Variants in ERN1 observed in about 807,000 individuals in gnomAD.
The protein encoded by ERN1 is endoplasmic reticulum to nucleus signaling 1.
In ERN1, 39 loss-of-function variants were observed where a neutral mutation model predicts 113.1. That is an observed-to-expected ratio of 0.34 (90% CI 0.27 to 0.45). The LOEUF is 0.45. ERN1 is among the 20% of genes least tolerant of loss of function. The probability of loss-of-function intolerance (pLI) is 1.00; values close to 1 mark genes in which losing one functional copy is unlikely to be tolerated. For missense variants in ERN1, 976 were observed against 1,274.8 expected (o/e 0.77, Z 3.57); for synonymous variants, 507 against 515.9 (o/e 0.98, Z 0.23).
At chr17:64,078,501 G>A (rs2143406294) in intron 4 of ERN1, among the ~76,000 whole-genome samples, 1 of 152,128 alleles carries the variant, frequency 6.6e-6, no homozygotes, top group Non-Finnish European at 1.5e-5. Context: ...AATTTATAGT[G>A]TTCTTTAATA....
At chr17:64,129,489 TAAA>T in intron 1 of ERN1, 1 of 252,726 alleles carries the variant, frequency 4.0e-6, no homozygotes. Context: ...TTCGAATTTT[TAAA>T]AAGTTCAAAC....
intron 1 of ERN1, among the ~76,000 whole-genome samples, chr17:64,100,351 G>C (rs1722820009): frequency 1.3e-5 from 2 of 152,134 alleles, no homozygotes; most frequent in Non-Finnish European, 2.9e-5. Context: ...ATGCATACCT[G>C]GGGCCAAGAA....
At chr17:64,094,737 C>A (rs1478843974) in intron 2 of ERN1, among the ~76,000 whole-genome samples, 1 of 151,858 alleles carries the variant, frequency 6.6e-6, no homozygotes, top group Non-Finnish European at 1.5e-5. Flanking sequence ...CTCCGTGGAG[C>A]CCTCCCTGTT....
intron 3 of ERN1, among the ~76,000 whole-genome samples, chr17:64,080,160 A>G (rs186314627): frequency 4.5e-4 from 68 of 152,348 alleles, no homozygotes; most frequent in African/African-American, 1.5e-3. Flanking sequence ...ATCTGCTTTT[A>G]GTTTTCAAGA....
chr17:64,074,931 C>T lies in ERN1; in HGVS notation c.355+244G>A, dbSNP rs566046005. The stretch of plus-strand genomic sequence containing the variant: ...CAATCTTGGAATCTCAGGACTAAGT[C>T]AACACAGCAACTAAAAGCTTGTTAA... On this transcript the variant is annotated intron_variant, in intron 5 of 21. Transcript: ENST00000433197. 1.2e-5 allele frequency: 6 copies of T among 493,726 alleles called. No individual in the cohort carries two copies. The East Asian group carries it at 1.9e-4, about 16-fold the overall frequency. The allele number at this position is 493,726 out of a possible 1,614,324, so 30.6% of individuals were successfully genotyped here.
intron 1 of ERN1, among the ~76,000 whole-genome samples, chr17:64,099,405 G>T (rs976236247): frequency 6.6e-5 from 10 of 151,948 alleles, no homozygotes; most frequent in Admixed American, 6.6e-5. Context: ...AGCTGGTAAG[G>T]TTTCCTGGAT....
intron 1 of ERN1, among the ~76,000 whole-genome samples, chr17:64,107,135 G>A (rs1404781244): frequency 3.3e-5 from 5 of 152,026 alleles, no homozygotes; most frequent in Admixed American, 2.0e-4. Context: ...CAAAGCAGTA[G>A]AACACTGAAA....
At chr17:64,129,773 C>T in intron 1 of ERN1, 1 of 426,114 alleles carries the variant, frequency 2.3e-6, no homozygotes, top group Non-Finnish European at 3.9e-6. Context: ...CTCGGTGGGG[C>T]CGCGACTCCC....
At chr17:64,060,951 T>G (rs1913036533) in intron 10 of ERN1, among the ~76,000 whole-genome samples, 1 of 152,204 alleles carries the variant, frequency 6.6e-6, no homozygotes. Context: ...CTCCTTTCAA[T>G]GCTTTTTCCT....
intron 1 of ERN1, among the ~76,000 whole-genome samples, chr17:64,110,955 G>A (rs1429302507): frequency 1.3e-5 from 2 of 152,144 alleles, no homozygotes; most frequent in African/African-American, 4.8e-5. Flanking sequence ...GAACAACGTT[G>A]CTTTCTCCAG....
chr17:64,075,352 G>A, intron 4 of ERN1, 105 bp from the exon 5 acceptor site: 1 of 987,810 alleles, frequency 1.0e-6, no homozygotes, highest in Non-Finnish European at 1.5e-6. Flanking sequence ...GCTAAAAAGA[G>A]AGAAGCACTT....
At chr17:64,116,921 G>A (rs1282664679) in intron 1 of ERN1, among the ~76,000 whole-genome samples, 5 of 148,136 alleles carry the variant, frequency 3.4e-5, no homozygotes, top group South Asian at 2.1e-4. Flanking sequence ...TGGCTAACAC[G>A]GTGAAACCCT....
At chr17:64,071,879 G>C in intron 6 of ERN1, 102 bp downstream of exon 6, 1 of 1,323,868 alleles carries the variant, frequency 7.6e-7, no homozygotes, top group Middle Eastern at 2.1e-4. Flanking sequence ...CCTGTGTTTG[G>C]AAAAAAGCAG....
rs773655917 is a variant in ERN1, at chr17:64,086,637, CTTTTTTTTTTTT to C, written c.176-5841_176-5830del. 1.7e-4 allele frequency among the ~76,000 whole-genome samples: 8 copies of C among 47,600 alleles called. No homozygotes were observed. The East Asian group carries it at 2.9e-3, about 17-fold the overall frequency. 31.2% of individuals were successfully genotyped at this position (47,600 alleles called of 152,430 possible). ...CATTTCTTTTTTTTTCTTTTCTTTC[CTTTTTTTTTTTT>C]TTTTTTTTTTTTTTTGAGATGGAGT... On this transcript the variant is annotated intron_variant, in intron 2 of 21. Coordinates refer to ENST00000433197, the MANE Select transcript of ERN1 (RefSeq NM_001433.5).
Position 64,129,999 on chromosome 17 carries a change from T to TGAG in ERN1, c.30_31insCTC (p.Leu10dup). ...ACCCCGAGGCCGGGCAGCAGCAGCG[T>TGAG]CAGCAGCAGCAGCAGCCGCCGGGCC... On this transcript the variant is annotated inframe_insertion, in exon 1 of 22. Coordinates refer to ENST00000433197, the MANE Select transcript of ERN1 (RefSeq NM_001433.5). The TGAG allele has an allele frequency of 6.9e-7, 1 of 1,446,816 alleles. No individual in the cohort carries two copies. The allele number at this position is 1,446,816 out of a possible 1,614,324, so 89.6% of individuals were successfully genotyped here.
chr17:64,111,132 T>C (rs1296556556), intron 1 of ERN1, among the ~76,000 whole-genome samples: 1 of 152,228 alleles, frequency 6.6e-6, no homozygotes, highest in Non-Finnish European at 1.5e-5. Context: ...GACCATATTA[T>C]AAAATATTTT....
intron 1 of ERN1, chr17:64,102,926 C>T: frequency 1.0e-6 from 1 of 985,314 alleles, no homozygotes; most frequent in Non-Finnish European, 1.2e-6. Context: ...AATATATACT[C>T]CTGGCTTTGA....
At chr17:64,051,195 A>AGC (rs1327450016) in intron 17 of ERN1, among the ~76,000 whole-genome samples, 1 of 152,184 alleles carries the variant, frequency 6.6e-6, no homozygotes, top group African/African-American at 2.4e-5. Context: ...GTGAAAAGAA[A>AGC]GCTCTGCTTT....
At position 64,066,912 on chromosome 17, in the gene ERN1, T is replaced by C; in HGVS notation, c.601A>G (p.Asn201Asp). ...ACAGTCACCACCAGCCCATCACCAT[T>C]GGACACAAAGTGGGACATCTCTGTA... ...VDYKMSHFVSNGDGLVVTVDS... is the reference protein window; with the variant it reads ...VDYKMSHFVSDGDGLVVTVDS... The change falls in exon 8 of 22, where the codon AAT becomes GAT. Residue 201 changes from asparagine (N) to aspartate (D), a missense_variant. By Grantham distance (23) the Asn-to-Asp change is conservative (BLOSUM62 1). Transcript: ENST00000433197. 6.2e-7 allele frequency: 1 copy of C among 1,613,810 alleles called. No individual in the cohort carries two copies. The highest frequency in any genetic ancestry group is 8.5e-7 in the Non-Finnish European group (1 of 1,179,842).
Sources: allele counts gnomAD v4.1 joint callset (sites outside exome capture counted in the v4.1 genomes callset), GRCh38; gene constraint gnomAD v4.1.1; transcripts MANE v1.5; gene names NCBI Gene and HGNC (gene_info 2026-07-23, HGNC 2026-07-21).